NRXN3: variants seen among roughly 807,000 people sequenced by gnomAD.
NRXN3 encodes the protein neurexin 3, also known as neurexin III.
NRXN3 carries 32 observed loss-of-function variants against 137.6 expected under a neutral mutation model. The observed-to-expected ratio is 0.23, with a 90% CI of 0.18 to 0.31. The LOEUF (loss-of-function observed/expected upper bound fraction) is 0.31. Ranked by LOEUF, NRXN3 falls within the 10% of genes least tolerant of loss-of-function variation. The pLI is 1.00. For missense variants in NRXN3, 1,574 were observed against 2,062.5 expected (o/e 0.76, Z 4.59); for synonymous variants, 798 against 784.5 (o/e 1.02, Z -0.29).
chr14:78,982,657 A>G (rs2099492367), intron 14 of NRXN3, among the ~76,000 whole-genome samples: 1 of 152,198 alleles, frequency 6.6e-6, no homozygotes, highest in Non-Finnish European at 1.5e-5. Context: ...AAACATATTA[A>G]AGATTCAAAT....
intron 4 of NRXN3, among the ~76,000 whole-genome samples, chr14:78,340,160 C>T (rs540673901): frequency 4.6e-5 from 7 of 152,226 alleles, no homozygotes; most frequent in Admixed American, 6.5e-5. Context: ...TCTGCAAGCC[C>T]GAAGGGAAAC....
At chr14:79,007,403 C>T (rs897096839) in intron 15 of NRXN3, among the ~76,000 whole-genome samples, 8 of 150,226 alleles carry the variant, frequency 5.3e-5, no homozygotes, top group African/African-American at 2.0e-4. Flanking sequence ...ATGTTAGGGA[C>T]AGTTCAGCCA....
In NRXN3 at chr14:78,926,827, TA is replaced by T. The variant is rs1383530015; in HGVS notation, c.2276-30413del. On this transcript the variant is annotated intron_variant, in intron 10 of 20. Transcript: ENST00000335750. ...ATTTATATATATTATATATTATATA[TA>T]ATTTATATAAATATATAATATATTA... is the stretch of plus-strand genomic sequence containing the variant. 2.5e-3 allele frequency among the ~76,000 whole-genome samples: 88 copies of T among 35,580 alleles called. 7 individuals are homozygous for T. The highest frequency in any genetic ancestry group is 2.8e-3 in the Non-Finnish European group (65 of 23,468). 23.3% of individuals were successfully genotyped at this position (35,580 alleles called of 152,430 possible).
At chr14:78,892,366 G>C (rs1455389426) in intron 10 of NRXN3, among the ~76,000 whole-genome samples, 1 of 151,936 alleles carries the variant, frequency 6.6e-6, no homozygotes, top group Non-Finnish European at 1.5e-5. Flanking sequence ...TCAAAGAGAA[G>C]AGAGGAAGTC....
chr14:78,788,530 G>A (rs943904311), intron 8 of NRXN3, among the ~76,000 whole-genome samples: 8 of 152,042 alleles, frequency 5.3e-5, no homozygotes, highest in Non-Finnish European at 8.8e-5. Flanking sequence ...ATGAGATCTG[G>A]GTATTTAATT....
At chr14:78,725,197 G>T (rs1020678224) in intron 8 of NRXN3, among the ~76,000 whole-genome samples, 2 of 152,140 alleles carry the variant, frequency 1.3e-5, no homozygotes, top group African/African-American at 4.8e-5. Flanking sequence ...TTCTCTGCAG[G>T]CCCCTTGTTT....
chr14:79,394,447 C>G (rs1184084120), intron 15 of NRXN3, among the ~76,000 whole-genome samples: 1 of 152,130 alleles, frequency 6.6e-6, no homozygotes, highest in Admixed American at 6.5e-5. Context: ...AATCATACAG[C>G]TAGGAATGGT....
chr14:78,930,034 C>T (rs2099317274), intron 10 of NRXN3, among the ~76,000 whole-genome samples: 1 of 152,156 alleles, frequency 6.6e-6, no homozygotes, highest in Non-Finnish European at 1.5e-5. Context: ...CTTAAAACTT[C>T]TTTAAATAGA....
intron 16 of NRXN3, among the ~76,000 whole-genome samples, chr14:79,640,845 G>C (rs1442628485): frequency 7.4e-6 from 1 of 135,218 alleles, no homozygotes; most frequent in East Asian, 2.0e-4. Flanking sequence ...TTAACTAACA[G>C]CAAAGAGACT....
intron 15 of NRXN3, among the ~76,000 whole-genome samples, chr14:79,042,082 A>G (rs2099625976): frequency 2.0e-5 from 3 of 152,216 alleles, no homozygotes; most frequent in African/African-American, 7.2e-5. Context: ...TATTGTTGCA[A>G]AAGGAAAGCC....
intron 8 of NRXN3, among the ~76,000 whole-genome samples, chr14:78,770,163 C>A (rs980579141): frequency 1.2e-4 from 18 of 152,204 alleles, no homozygotes; most frequent in African/African-American, 4.3e-4. Context: ...GTATCAACAT[C>A]CCTATTTTTG....
intron 15 of NRXN3, among the ~76,000 whole-genome samples, chr14:79,048,850 C>G (rs1026816787): frequency 6.7e-6 from 1 of 148,364 alleles, no homozygotes; most frequent in Non-Finnish European, 1.5e-5. Flanking sequence ...CGGTGAAACC[C>G]CGTCTCTACT....
At chr14:78,783,048 T>C (rs2098775669) in intron 8 of NRXN3, among the ~76,000 whole-genome samples, 1 of 152,108 alleles carries the variant, frequency 6.6e-6, no homozygotes, top group Non-Finnish European at 1.5e-5. Context: ...TGGATAAAAG[T>C]TTGAGGAGAA....
Position 79,139,337 on chromosome 14 carries a change from C to T in NRXN3, c.3262+151196C>T, listed in dbSNP as rs145806020. Among the ~76,000 whole-genome samples, 5 of 152,264 alleles carry T rather than the reference C, an allele frequency of 3.3e-5. No homozygotes were observed. In the East Asian group the frequency reaches 7.7e-4, roughly 24 times the overall value. On this transcript the variant is annotated intron_variant, in intron 15 of 20. Transcript: ENST00000335750. ...GGATTTCTCTTGGTTAGCAAGTCAA[C>T]AGAGACCTGTGTATCTAGGCCTGCA...
intron 6 of NRXN3, among the ~76,000 whole-genome samples, chr14:78,661,662 T>C (rs1319074228): frequency 6.6e-6 from 1 of 152,180 alleles, no homozygotes; most frequent in Non-Finnish European, 1.5e-5. Flanking sequence ...GCAGTATAAT[T>C]TATTGGTTAA....
At chr14:79,170,408 T>C (rs2061667337) in intron 15 of NRXN3, among the ~76,000 whole-genome samples, 1 of 152,140 alleles carries the variant, frequency 6.6e-6, no homozygotes, top group African/African-American at 2.4e-5. Context: ...TATACATGTG[T>C]CCATACTTAT....
In NRXN3 at chr14:78,505,510, T is replaced by C. The variant is rs1290014613; in HGVS notation, c.758-139610T>C. ...GGACTCCTGATAATAATGTATTGTA[T>C]GTTTCAAAATAACCAAGAGCAAATT... On this transcript the variant is annotated intron_variant, in intron 4 of 20. Coordinates refer to ENST00000335750, the MANE Select transcript of NRXN3 (RefSeq NM_001330195.2). Among the ~76,000 whole-genome samples, 4 of 152,126 alleles carry C rather than the reference T, an allele frequency of 2.6e-5. No homozygotes were observed. In the East Asian group the frequency reaches 7.7e-4, roughly 29 times the overall value.
chr14:78,899,812 T>C (rs2099189698), intron 10 of NRXN3, among the ~76,000 whole-genome samples: 1 of 152,022 alleles, frequency 6.6e-6, no homozygotes, highest in Admixed American at 6.6e-5. Context: ...TGAATGAAAA[T>C]ACCTCAAATT....
At chr14:78,977,962 C>T (rs1316483592) in intron 14 of NRXN3, among the ~76,000 whole-genome samples, 1 of 152,044 alleles carries the variant, frequency 6.6e-6, no homozygotes, top group Non-Finnish European at 1.5e-5. Flanking sequence ...AATAAAAGGC[C>T]ACTGGGGATA....
Sources: allele counts gnomAD v4.1 joint callset (sites outside exome capture counted in the v4.1 genomes callset), GRCh38; gene constraint gnomAD v4.1.1; transcripts MANE v1.5; gene names NCBI Gene and HGNC (gene_info 2026-07-23, HGNC 2026-07-21).